Variants in ATRNL1 observed in about 807,000 individuals in gnomAD.
ATRNL1 encodes attractin like 1.
ATRNL1 carries 95 observed loss-of-function variants against 182.7 expected under a neutral mutation model. The ratio of observed to expected loss-of-function variants is 0.52; its 90% CI spans 0.44 to 0.62. ATRNL1 has a LOEUF of 0.62. Ranked by LOEUF, ATRNL1 falls within the 20% of genes least tolerant of loss-of-function variation. ATRNL1 has a pLI of 0.00. For synonymous variants in ATRNL1, 576 were observed against 568.3 expected, an observed-to-expected ratio of 1.01 and a Z score of -0.19; for missense variants, 1,471 against 1,679.5, an observed-to-expected ratio of 0.88 and a Z score of 2.17.
chr10:115,261,587 G>T (rs1851393661), intron 10 of ATRNL1, among the ~76,000 whole-genome samples: 1 of 152,124 alleles, frequency 6.6e-6, no homozygotes, highest in Non-Finnish European at 1.5e-5. Flanking sequence ...AGGGTTGGGG[G>T]AGAAATAGCA....
At chr10:115,522,292 A>C (rs891900436) in intron 25 of ATRNL1, among the ~76,000 whole-genome samples, 2 of 152,164 alleles carry the variant, frequency 1.3e-5, no homozygotes, top group African/African-American at 2.4e-5. Flanking sequence ...TGGTGAGGGT[A>C]TCAAACTGCT....
In ATRNL1 at chr10:115,519,741, A is replaced by G. The variant is rs1850823360; in HGVS notation, c.3716+417A>G. Among the ~76,000 whole-genome samples the G allele has an allele frequency of 2.6e-5, 4 of 152,198 alleles. No individual in the cohort carries two copies. The South Asian group carries it at 8.3e-4, about 31-fold the overall frequency. On this transcript the variant is annotated intron_variant, in intron 25 of 28. Transcript: ENST00000355044. ...TGTAGGTTCATAAAAAGGGCTCCAC[A>G]GTGAAGCAGCTTTGTAAAATGCTAC...
intron 16 of ATRNL1, among the ~76,000 whole-genome samples, chr10:115,300,814 A>G (rs1307054121): frequency 2.0e-5 from 3 of 152,112 alleles, no homozygotes; most frequent in African/African-American, 7.2e-5. Context: ...TGTTGTGCAA[A>G]CATCATCACC....
intron 27 of ATRNL1, among the ~76,000 whole-genome samples, chr10:115,764,640 A>T (rs1232160348): frequency 6.6e-6 from 1 of 152,108 alleles, no homozygotes; most frequent in African/African-American, 2.4e-5. Flanking sequence ...AGAAATATAC[A>T]TTTAAGTTTC....
chr10:115,578,169 A>G (rs80032607), intron 26 of ATRNL1, among the ~76,000 whole-genome samples: 1,534 of 151,802 alleles, frequency 0.01, 19 homozygotes, highest in African/African-American at 0.034. Context: ...TTTTTGTTGA[A>G]GATGTTTGCA....
intron 26 of ATRNL1, among the ~76,000 whole-genome samples, chr10:115,648,229 TAGGAATCCAACTTACAAGGG>T (rs1349761258): frequency 2.0e-5 from 3 of 152,058 alleles, no homozygotes; most frequent in African/African-American, 4.8e-5. Context: ...ATAAAATACC[TAGGAATCCAACTTACAAGGG>T]ATGTGAAGGA....
chr10:115,722,907 G>T (rs1555058257), intron 26 of ATRNL1, among the ~76,000 whole-genome samples: 1 of 152,016 alleles, frequency 6.6e-6, no homozygotes, highest in African/African-American at 2.4e-5. Flanking sequence ...ATAAATTCTA[G>T]AACATCAAAG....
intron 18 of ATRNL1, among the ~76,000 whole-genome samples, chr10:115,329,281 T>C (rs1855078988): frequency 6.6e-6 from 1 of 152,140 alleles, no homozygotes; most frequent in African/African-American, 2.4e-5. Context: ...ATATATTTAA[T>C]TCATTAAGAC....
At chr10:115,316,310 A>G (rs1854299101) in intron 18 of ATRNL1, among the ~76,000 whole-genome samples, 2 of 152,200 alleles carry the variant, frequency 1.3e-5, no homozygotes, top group African/African-American at 4.8e-5. Context: ...ATGGCTATGC[A>G]GTATTCCATG....
chr10:115,098,256 C>T (rs1268401481), intron 1 of ATRNL1, among the ~76,000 whole-genome samples: 1 of 152,018 alleles, frequency 6.6e-6, no homozygotes, highest in Non-Finnish European at 1.5e-5. Flanking sequence ...CACGTGTCTG[C>T]ATGATTTGGC....
intron 27 of ATRNL1, among the ~76,000 whole-genome samples, chr10:115,840,986 T>G (rs527708133): frequency 5.9e-5 from 9 of 152,106 alleles, no homozygotes; most frequent in Non-Finnish European, 1.3e-4. Flanking sequence ...AGTATAGTGG[T>G]TAGGTTGCTT....
chr10:115,468,197 A>G (rs574845587), intron 23 of ATRNL1, among the ~76,000 whole-genome samples: 28 of 150,900 alleles, frequency 1.9e-4, no homozygotes, highest in Admixed American at 4.6e-4. Flanking sequence ...AAAATTCGTA[A>G]TAACTTGTAC....
At chr10:115,825,192 A>G (rs34631193) in intron 27 of ATRNL1, among the ~76,000 whole-genome samples, 6,913 of 152,120 alleles carry the variant, frequency 0.045, 547 homozygotes, top group African/African-American at 0.15. Context: ...CTGAAAACCA[A>G]ACATCGCATG....
chr10:115,661,549 G>A (rs1401051938), intron 26 of ATRNL1, among the ~76,000 whole-genome samples: 1 of 152,096 alleles, frequency 6.6e-6, no homozygotes, highest in Non-Finnish European at 1.5e-5. Context: ...ATGATTATGT[G>A]CAGAAAGCTT....
intron 28 of ATRNL1, among the ~76,000 whole-genome samples, chr10:115,885,215 A>G (rs1951915536): frequency 6.6e-6 from 1 of 152,252 alleles, no homozygotes; most frequent in African/African-American, 2.4e-5. Flanking sequence ...AAACAGATTC[A>G]AAGACTCAGG....
chr10:115,131,670 C>T (rs1239583459), intron 5 of ATRNL1, among the ~76,000 whole-genome samples: 1 of 152,086 alleles, frequency 6.6e-6, no homozygotes, highest in Non-Finnish European at 1.5e-5. Flanking sequence ...TGCGGACTGC[C>T]GAGGCAATCT....
At chr10:115,748,975 T>C (rs1171414845) in intron 27 of ATRNL1, among the ~76,000 whole-genome samples, 1 of 151,906 alleles carries the variant, frequency 6.6e-6, no homozygotes, top group Non-Finnish European at 1.5e-5. Flanking sequence ...GTATAAGACA[T>C]TTTACTAGAG....
intron 26 of ATRNL1, among the ~76,000 whole-genome samples, chr10:115,604,925 G>A (rs1856798971): frequency 6.6e-6 from 1 of 151,952 alleles, no homozygotes; most frequent in African/African-American, 2.4e-5. Flanking sequence ...TGTTAAATGA[G>A]TACTTGAAAT....
intron 28 of ATRNL1, among the ~76,000 whole-genome samples, chr10:115,930,372 G>A (rs114867729): frequency 1.4e-3 from 213 of 152,148 alleles, no homozygotes; most frequent in African/African-American, 4.6e-3. Context: ...GCCTCAGAAC[G>A]TGTCATACAT....
Sources: gnomAD v4.1 joint callset for allele counts (sites outside exome capture counted in the v4.1 genomes callset) on GRCh38, gnomAD v4.1.1 for gene constraint, MANE v1.5 for transcripts, NCBI Gene and HGNC (gene_info 2026-07-23, HGNC 2026-07-21) for gene names.